The following PTPRD variants were observed in gnomAD, a reference collection of about 807,000 sequenced individuals.
PTPRD encodes the protein protein tyrosine phosphatase receptor type D.
PTPRD carries 34 observed loss-of-function variants against 214.5 expected under a neutral mutation model. The observed-to-expected ratio is 0.16, with a 90% confidence interval of 0.12 to 0.21. The LOEUF (loss-of-function observed/expected upper bound fraction) is 0.21, where lower values mean the gene tolerates loss of function less well. PTPRD is among the 10% of genes least tolerant of loss of function. The pLI, the probability that PTPRD is intolerant of heterozygous loss-of-function variation, is 1.00. For synonymous variants in PTPRD, 1,128 were observed against 845.7 expected (o/e 1.33, Z -5.79); for missense variants, 2,545 against 2,398.7 (o/e 1.06, Z -1.27).
chr9:9,304,422 G>A (rs1956456401), intron 9 of PTPRD, among the ~76,000 whole-genome samples: 1 of 151,912 alleles, frequency 6.6e-6, no homozygotes, highest in Non-Finnish European at 1.5e-5. Context: ...TAATCTTTGT[G>A]CATTTGCAAC....
rs189456018 is a variant in PTPRD at position 8,910,771 on chromosome 9, T to C, written c.-104+107926A>G. On this transcript the variant is annotated intron_variant, in intron 11 of 45. Coordinates refer to ENST00000381196, the MANE Select transcript of PTPRD (RefSeq NM_002839.4). ...ACAAATTTATCAAGATTACGTAATA[T>C]AAAATCAAGATACAAAAATTAATTT... Among the ~76,000 whole-genome samples the C allele has an allele frequency of 5.3e-5, 8 of 152,284 alleles. No individual in the cohort carries two copies. The East Asian group carries it at 9.7e-4, about 18-fold the overall frequency.
intron 12 of PTPRD, among the ~76,000 whole-genome samples, chr9:8,711,082 AATGTT>A (rs1454679270): frequency 1.3e-5 from 2 of 152,130 alleles, no homozygotes; most frequent in East Asian, 1.9e-4. Context: ...AGTAACATTT[AATGTT>A]ATTTCATGCC....
At chr9:9,530,563 G>C (rs756723513) in intron 8 of PTPRD, among the ~76,000 whole-genome samples, 25 of 152,106 alleles carry the variant, frequency 1.6e-4, no homozygotes, top group Non-Finnish European at 3.4e-4. Context: ...AACTTTCAGA[G>C]ACTCTGCATC....
chr9:10,476,853 A>G (rs1053303468), intron 2 of PTPRD, among the ~76,000 whole-genome samples: 1 of 152,176 alleles, frequency 6.6e-6, no homozygotes, highest in Non-Finnish European at 1.5e-5. Context: ...CAACCATCAT[A>G]TCTTCGACAT....
chr9:9,792,317 C>G (rs991356359), intron 5 of PTPRD, among the ~76,000 whole-genome samples: 2 of 152,134 alleles, frequency 1.3e-5, no homozygotes, highest in Admixed American at 6.6e-5. Context: ...CATTTGAAAA[C>G]TCTGCCAGCA....
chr9:10,218,898 TAAAC>T (rs1247567767), intron 3 of PTPRD, among the ~76,000 whole-genome samples: 3 of 151,778 alleles, frequency 2.0e-5, no homozygotes, highest in Admixed American at 1.3e-4. Flanking sequence ...GTCTTGAAGT[TAAAC>T]AATATGGTAA....
At chr9:9,666,982 T>A (rs764800077) in intron 7 of PTPRD, among the ~76,000 whole-genome samples, 1 of 152,082 alleles carries the variant, frequency 6.6e-6, no homozygotes, top group Non-Finnish European at 1.5e-5. Context: ...AAAAATAGAC[T>A]AAAGTCATCG....
chr9:10,360,688 T>A lies in PTPRD; in HGVS notation c.-599-19671A>T, dbSNP rs372972512. 1.1e-3 allele frequency among the ~76,000 whole-genome samples: 166 copies of A among 152,330 alleles called. 2 individuals are homozygous for A. In the South Asian group the frequency reaches 0.024, roughly 22 times the overall value. ...AAATTATTGATGACCCCCCAAAAGC[T>A]TTATTTAGCACGGTTTTTAATCTAA... On this transcript the variant is annotated intron_variant, in intron 2 of 45. Coordinates refer to ENST00000381196, the MANE Select transcript of PTPRD (RefSeq NM_002839.4).
At chr9:8,869,773 A>T (rs2098263307) in intron 11 of PTPRD, among the ~76,000 whole-genome samples, 1 of 151,686 alleles carries the variant, frequency 6.6e-6, no homozygotes, top group South Asian at 2.1e-4. Flanking sequence ...ATTTTACCTA[A>T]ATCTACAAGC....
intron 11 of PTPRD, among the ~76,000 whole-genome samples, chr9:8,897,926 G>C (rs1434229480): frequency 6.6e-6 from 1 of 152,166 alleles, no homozygotes; most frequent in African/African-American, 2.4e-5. Flanking sequence ...AAGCAAATGA[G>C]ATAATATGGC....
At chr9:10,524,945 T>C (rs569584530) in intron 2 of PTPRD, among the ~76,000 whole-genome samples, 7 of 151,126 alleles carry the variant, frequency 4.6e-5, no homozygotes, top group Non-Finnish European at 1.0e-4. Flanking sequence ...GCAAAATAAG[T>C]GTAATATATT....
rs3075574 is a variant in PTPRD at position 10,182,259 on chromosome 9, CAAAAAA to C, written c.-544-148475_-544-148470del. The stretch of plus-strand genomic sequence containing the variant: ...TGGGCAGCACAGTGAGACTCTGCCT[CAAAAAA>C]AAAAAAAAAAAAAAGAAAAGAAAAA... On this transcript the variant is annotated intron_variant, in intron 3 of 45. Coordinates refer to ENST00000381196, the MANE Select transcript of PTPRD (RefSeq NM_002839.4). Among the ~76,000 whole-genome samples, 14 of 54,442 alleles carry C rather than the reference CAAAAAA, an allele frequency of 2.6e-4. 1 individual carries two copies. The highest frequency in any genetic ancestry group is 8.0e-4 in the African/African-American group (10 of 12,502). 35.7% of individuals were successfully genotyped at this position (54,442 alleles called of 152,430 possible).
chr9:8,485,783 T>C lies in PTPRD; in HGVS notation c.3034A>G (p.Arg1012Gly), dbSNP rs1221735750. ...CTACCTTGATCCACAGGCAGTGTCC[T>C]GAACTGGACACTGGGACTATATGGC... ...PGPYSPSVQF[R>G]TLPVDQVFAK... Residue 1012 changes from arginine to glycine, a missense_variant, in exon 28 of 46, where the codon AGG becomes GGG. Arg to Gly is a moderately radical substitution (Grantham distance 125). Transcript: ENST00000381196. 1.9e-6 allele frequency: 3 copies of C among 1,612,948 alleles called. No individual in the cohort carries two copies. Among genetic ancestry groups the C allele is most frequent in the Non-Finnish European group, 2.5e-6 (3 of 1,179,664 alleles).
At chr9:9,218,471 A>T (rs1184520258) in intron 9 of PTPRD, among the ~76,000 whole-genome samples, 2 of 152,186 alleles carry the variant, frequency 1.3e-5, no homozygotes, top group South Asian at 4.1e-4. Context: ...CATTCTGACA[A>T]GAAAAATAAA....
At chr9:9,155,200 A>G (rs2099880178) in intron 10 of PTPRD, among the ~76,000 whole-genome samples, 1 of 152,182 alleles carries the variant, frequency 6.6e-6, no homozygotes, top group Admixed American at 6.6e-5. Context: ...TGGGTAATGT[A>G]TCGGCCTTTT....
chr9:8,792,060 A>G (rs1042934439), intron 11 of PTPRD, among the ~76,000 whole-genome samples: 1 of 152,128 alleles, frequency 6.6e-6, no homozygotes, highest in African/African-American at 2.4e-5. Context: ...TTAAGGGCGG[A>G]AAAAAAGCTG....
intron 14 of PTPRD, among the ~76,000 whole-genome samples, chr9:8,564,697 T>C (rs2088152359): frequency 6.6e-6 from 1 of 152,074 alleles, no homozygotes; most frequent in Admixed American, 6.5e-5. Flanking sequence ...GAAGACTCTG[T>C]CTCAAAAAAA....
rs371726266 is a variant in PTPRD, at chr9:10,174,549, A to G, written c.-544-140759T>C. 6.2e-4 allele frequency among the ~76,000 whole-genome samples: 95 copies of G among 152,276 alleles called. No homozygotes were observed. The South Asian group carries it at 0.019, about 30-fold the overall frequency. On this transcript the variant is annotated intron_variant, in intron 3 of 45. Coordinates refer to ENST00000381196, the MANE Select transcript of PTPRD (RefSeq NM_002839.4). ...TCAGGTATTTCTTTTTAGCAACACC[A>G]AATGTACTATGCCAACTATCATACA...
chr9:10,591,938 G>A (rs62539615), intron 2 of PTPRD, among the ~76,000 whole-genome samples: 1 of 152,004 alleles, frequency 6.6e-6, no homozygotes, highest in Non-Finnish European at 1.5e-5. Context: ...TCCCACCCCT[G>A]ACAATTTGAT....
Sources: allele counts gnomAD v4.1 joint callset (sites outside exome capture counted in the v4.1 genomes callset), GRCh38; gene constraint gnomAD v4.1.1; transcripts MANE v1.5; gene names NCBI Gene and HGNC (gene_info 2026-07-23, HGNC 2026-07-21).